Variants in PRKD3 observed in about 807,000 individuals in gnomAD.
PRKD3 encodes protein kinase D3, also known as serine/threonine-protein kinase D3.
In PRKD3, 47 loss-of-function variants were observed where a neutral mutation model predicts 99.2. The observed-to-expected ratio is 0.47, with a 90% confidence interval of 0.38 to 0.60. The LOEUF (loss-of-function observed/expected upper bound fraction) is 0.60, where lower values mean the gene tolerates loss of function less well. PRKD3 is among the 20% of genes least tolerant of loss of function. PRKD3 has a pLI of 0.00. For synonymous variants in PRKD3, 392 were observed against 355.4 expected, an observed-to-expected ratio of 1.10 and a Z score of -1.16; for missense variants, 1,019 against 1,088.4, an observed-to-expected ratio of 0.94 and a Z score of 0.90.
intron 12 of PRKD3, among the ~76,000 whole-genome samples, chr2:37,271,239 A>C (rs1268671188): frequency 6.6e-6 from 1 of 152,208 alleles, no homozygotes; most frequent in Non-Finnish European, 1.5e-5. Flanking sequence ...TTTTCTCTCT[A>C]GTCCAGGGGT....
intron 18 of PRKD3, 38 bp downstream of exon 18, chr2:37,254,166 A>C (rs1274568837): frequency 2.0e-6 from 3 of 1,478,314 alleles, no homozygotes; most frequent in Non-Finnish European, 2.8e-6. Flanking sequence ...GAACTACTCA[A>C]ATGAGGATTG....
At chr2:37,294,232 A>G (rs1670574815) in intron 2 of PRKD3, among the ~76,000 whole-genome samples, 1 of 151,944 alleles carries the variant, frequency 6.6e-6, no homozygotes, top group African/African-American at 2.4e-5. Context: ...AGTAGCTGGG[A>G]CCACAGGTGC....
chr2:37,262,396 A>G (rs1668531809), intron 14 of PRKD3, among the ~76,000 whole-genome samples: 1 of 152,214 alleles, frequency 6.6e-6, no homozygotes, highest in Non-Finnish European at 1.5e-5. Flanking sequence ...CAATATCTGC[A>G]TCATAGTAGG....
Position 37,262,865 on chromosome 2 carries a change from T to C in PRKD3, c.1885-2481A>G, listed in dbSNP as rs115229087. Among the ~76,000 whole-genome samples the C allele has an allele frequency of 6.9e-3, 1,045 of 152,130 alleles. 7 individuals carry two copies. The highest frequency in any genetic ancestry group is 0.024 in the African/African-American group (987 of 41,484). On this transcript the variant is annotated intron_variant, in intron 14 of 18. Coordinates refer to ENST00000234179, the MANE Select transcript of PRKD3 (RefSeq NM_005813.6). ...TCTCCAAGTTTCCAAATTTATCTGA[T>C]AGAGATGAGCAAAGTATCCTAAGAT...
chr2:37,306,067 C>CTT lies in PRKD3; in HGVS notation c.288+10168_288+10169dup, dbSNP rs543636647. On this transcript the variant is annotated intron_variant, in intron 2 of 18. Transcript: ENST00000234179. Reference sequence around the variant, plus strand: ...TACTCTGTTATCTCTTCCTTGGATTCTTTTTTTTTTTTTTTTTAAACATAC... The same window carrying CTT: ...TACTCTGTTATCTCTTCCTTGGATTCTTTTTTTTTTTTTTTTTTTAAACATAC... Among the ~76,000 whole-genome samples, 293 of 141,778 alleles carry CTT rather than the reference C, an allele frequency of 2.1e-3. 1 individual carries two copies. Among genetic ancestry groups the CTT allele is most frequent in the East Asian group, 5.1e-3 (25 of 4,860 alleles). The allele number at this position is 141,778 out of a possible 152,430, so 93.0% of individuals were successfully genotyped here.
chr2:37,305,475 TAGCAGG>T (rs1671118833), intron 2 of PRKD3, among the ~76,000 whole-genome samples: 1 of 152,218 alleles, frequency 6.6e-6, no homozygotes, highest in Non-Finnish European at 1.5e-5. Flanking sequence ...AATTATACAG[TAGCAGG>T]AGCATTATAG....
At position 37,310,919 on chromosome 2, in the gene PRKD3, G is replaced by A. The variant is rs151065392; in HGVS notation, c.288+5318C>T. ...ACCTGCTCATTGCTGGCAACTACAC[G>A]TCTGTCCAGTTAACTGCTGCAGAGT... On this transcript the variant is annotated intron_variant, in intron 2 of 18. Coordinates refer to ENST00000234179, the MANE Select transcript of PRKD3 (RefSeq NM_005813.6). Among the ~76,000 whole-genome samples, 20 of 152,274 alleles carry A rather than the reference G, an allele frequency of 1.3e-4. No individual in the cohort carries two copies. The East Asian group carries it at 3.3e-3, about 25-fold the overall frequency.
intron 10 of PRKD3, among the ~76,000 whole-genome samples, chr2:37,275,096 G>C (rs1380525768): frequency 1.3e-5 from 2 of 152,080 alleles, no homozygotes; most frequent in African/African-American, 4.8e-5. Context: ...AGAAAAAGCA[G>C]AATCTTGGTC....
intron 2 of PRKD3, among the ~76,000 whole-genome samples, chr2:37,310,868 T>C (rs555862336): frequency 6.6e-6 from 1 of 152,332 alleles, no homozygotes; most frequent in South Asian, 2.1e-4. Context: ...TAATACCTTA[T>C]ACATAAGCAA....
chr2:37,284,851 T>C (rs1257315218), intron 6 of PRKD3, among the ~76,000 whole-genome samples: 1 of 152,154 alleles, frequency 6.6e-6, no homozygotes, highest in Non-Finnish European at 1.5e-5. Flanking sequence ...TGCAGGTTAG[T>C]TACATATGTA....
chr2:37,267,072 A>G (rs914255510), intron 14 of PRKD3, among the ~76,000 whole-genome samples: 5 of 152,192 alleles, frequency 3.3e-5, no homozygotes, highest in Non-Finnish European at 5.9e-5. Flanking sequence ...AGTGCTGTTA[A>G]AAGGTACATA....
In PRKD3 at chr2:37,306,546, C is replaced by T. The variant is rs191391745; in HGVS notation, c.288+9691G>A. 2.1e-3 allele frequency among the ~76,000 whole-genome samples: 319 copies of T among 152,264 alleles called. 2 individuals carry two copies. Among genetic ancestry groups the T allele is most frequent in the African/African-American group, 7.3e-3 (304 of 41,550 alleles). ...AAAATGGGTCAGGTGTGGTGGCTCA[C>T]ACATGTAATCCCAGCACTCTGGGAA... On this transcript the variant is annotated intron_variant, in intron 2 of 18. Coordinates refer to ENST00000234179, the MANE Select transcript of PRKD3 (RefSeq NM_005813.6).
chr2:37,316,334 A>G lies in PRKD3; in HGVS notation c.191T>C (p.Leu64Pro), dbSNP rs1671654113. The stretch of plus-strand genomic sequence containing the variant: ...ACTCTCCCGTGTGAGGCCAATTTGC[A>G]GTAGAAATGAAACTGTATGCACTGA... ...RGSVHTVSFL[L>P]QIGLTRESVT... Residue 64 changes from leucine (L) to proline (P), a missense_variant, in exon 2 of 19, where the codon CTG (leucine) becomes CCG (proline). This residue lies in a region of PRKD3 where 710 missense variants were observed against 692.7 expected (regional missense o/e 1.02). Coordinates refer to ENST00000234179, the MANE Select transcript of PRKD3 (RefSeq NM_005813.6). The G allele has an allele frequency of 6.2e-7, 1 of 1,614,220 alleles. No homozygotes were observed. Among genetic ancestry groups the G allele is most frequent in the Non-Finnish European group, 8.5e-7 (1 of 1,180,030 alleles).
intron 2 of PRKD3, among the ~76,000 whole-genome samples, chr2:37,300,034 G>A (rs991583705): frequency 3.3e-5 from 5 of 152,096 alleles, no homozygotes; most frequent in African/African-American, 4.8e-5. Flanking sequence ...GTATCTACCC[G>A]AAAGAAACCA....
chr2:37,257,671 GAAAAAAAAAAA>G (rs1164110574), intron 16 of PRKD3, among the ~76,000 whole-genome samples: 1 of 28,542 alleles, frequency 3.5e-5, no homozygotes, highest in South Asian at 1.1e-3. Context: ...TGTCTCAAAA[GAAAAAAAAAAA>G]AAAAAAAAAA....
Position 37,316,448 on chromosome 2 carries a change from G to C in PRKD3, c.77C>G (p.Ala26Gly). ...CGTCTTAGGACTTGAACACGGAGAA[G>C]CAGCTGGAAGCACAGCAGGAATAGC... ...PTAIPAVLPA[A>G]SPCSSPKTGL... The change falls in exon 2 of 19, where the codon GCT (alanine) becomes GGT (glycine). Residue 26 changes from alanine (A) to glycine (G), a missense_variant. Around this residue, in one of 3 missense-constraint regions of PRKD3, gnomAD observed 710 missense variants for 692.7 expected, o/e 1.02. Coordinates refer to ENST00000234179, the MANE Select transcript of PRKD3 (RefSeq NM_005813.6). 6.2e-7 allele frequency: 1 copy of C among 1,614,274 alleles called. No individual in the cohort carries two copies. The highest frequency in any genetic ancestry group is 8.5e-7 in the Non-Finnish European group (1 of 1,180,050).
At chr2:37,281,575 A>C (rs1669858804) in intron 7 of PRKD3, among the ~76,000 whole-genome samples, 1 of 152,074 alleles carries the variant, frequency 6.6e-6, no homozygotes, top group Non-Finnish European at 1.5e-5. Flanking sequence ...TCAACCAGGA[A>C]ACGGACCCCC....
intron 5 of PRKD3, among the ~76,000 whole-genome samples, chr2:37,287,830 A>AC (rs1558557016): frequency 6.6e-6 from 1 of 152,208 alleles, no homozygotes. Context: ...GGTTACAAAA[A>AC]TTTTTAATTC....
intron 13 of PRKD3, 84 bp downstream of exon 13, chr2:37,269,531 G>A: frequency 8.2e-7 from 1 of 1,224,078 alleles, no homozygotes; most frequent in Admixed American, 1.7e-5. Context: ...AAAACTATGA[G>A]ATGACAAAAC....
Sources: allele counts gnomAD v4.1 joint callset (sites outside exome capture counted in the v4.1 genomes callset), GRCh38; gene constraint gnomAD v4.1.1; regional missense constraint gnomAD v4.1.1; transcripts MANE v1.5; gene names NCBI Gene and HGNC (gene_info 2026-07-23, HGNC 2026-07-21).